RARB: variants seen among roughly 807,000 people sequenced by gnomAD.
RARB encodes retinoic acid receptor beta, also known as HBV-activated protein.
Under a neutral mutation model 51.9 loss-of-function variants are expected in RARB, and 17 were observed. The observed-to-expected ratio is 0.33, with a 90% CI of 0.22 to 0.49. The LOEUF (loss-of-function observed/expected upper bound fraction) is 0.49. Among genes scored for constraint, RARB ranks in the 20% least tolerant of loss-of-function variants. The pLI, the probability that RARB is intolerant of heterozygous loss-of-function variation, is 0.99. For synonymous variants in RARB, 215 were observed against 195.4 expected (o/e 1.10, Z -0.84); for missense variants, 369 against 550.8 (o/e 0.67, Z 3.30).
intron 5 of RARB, among the ~76,000 whole-genome samples, chr3:25,338,959 G>A (rs1197330600): frequency 6.6e-6 from 1 of 152,114 alleles, no homozygotes; most frequent in Non-Finnish European, 1.5e-5. Context: ...TCCATTCTGA[G>A]TAGTAGTGCT....
intron 5 of RARB, among the ~76,000 whole-genome samples, chr3:25,387,904 C>G (rs1007255843): frequency 2.6e-5 from 4 of 151,802 alleles, no homozygotes; most frequent in Non-Finnish European, 5.9e-5. Flanking sequence ...AAATGTTTAA[C>G]CTGGATTGAT....
intron 5 of RARB, among the ~76,000 whole-genome samples, chr3:25,364,033 A>G (rs557057027): frequency 5.3e-5 from 8 of 152,222 alleles, no homozygotes; most frequent in South Asian, 4.1e-4. Context: ...TCAAATTTCA[A>G]TGCCCTCTCC....
At chr3:25,228,036 A>G (rs1450174730) in intron 5 of RARB, among the ~76,000 whole-genome samples, 2 of 151,996 alleles carry the variant, frequency 1.3e-5, no homozygotes, top group African/African-American at 4.8e-5. Flanking sequence ...CTTGCAGGTG[A>G]TTTGACAATT....
chr3:25,493,317 A>G (rs1210340526), intron 2 of RARB, among the ~76,000 whole-genome samples: 2 of 152,282 alleles, frequency 1.3e-5, no homozygotes, highest in East Asian at 3.9e-4. Context: ...GTTGTCACGC[A>G]TAGACTTCCA....
At chr3:25,425,711 T>C (rs1342871052), upstream of RARB, among the ~76,000 whole-genome samples, 3 of 152,196 alleles carry the variant, frequency 2.0e-5, no homozygotes, top group Non-Finnish European at 4.4e-5. Context: ...ATGTTGTTAT[T>C]TTTGTGCAAT....
intron 5 of RARB, among the ~76,000 whole-genome samples, chr3:25,333,454 T>C (rs542767844): frequency 6.6e-6 from 1 of 152,080 alleles, no homozygotes; most frequent in Non-Finnish European, 1.5e-5. Flanking sequence ...TAAATGGTGC[T>C]GGGAAAACTG....
intron 2 of RARB, among the ~76,000 whole-genome samples, chr3:24,912,992 T>TTTTG (rs1190648629): frequency 7.6e-6 from 1 of 131,528 alleles, no homozygotes; most frequent in East Asian, 2.2e-4. Context: ...TTTTTTTTTT[T>TTTTG]TTTTTGGAGA....
At chr3:24,995,133 T>C (rs1451446385) in intron 2 of RARB, among the ~76,000 whole-genome samples, 1 of 152,108 alleles carries the variant, frequency 6.6e-6, no homozygotes, top group Non-Finnish European at 1.5e-5. Flanking sequence ...GTGAGATGTT[T>C]TTCCATTTGT....
chr3:24,998,422 G>C (rs1272954456), intron 2 of RARB, among the ~76,000 whole-genome samples: 2 of 151,844 alleles, frequency 1.3e-5, no homozygotes, highest in African/African-American at 4.8e-5. Context: ...GTGGTGTTTG[G>C]ATTTTTTTGT....
At chr3:25,187,960 T>C (rs1476165979) in intron 5 of RARB, among the ~76,000 whole-genome samples, 2 of 152,068 alleles carry the variant, frequency 1.3e-5, no homozygotes, top group Admixed American at 6.6e-5. Context: ...AAGAGGTGAC[T>C]GATTAGAGAA....
chr3:25,254,442 C>A (rs537541306), intron 5 of RARB, among the ~76,000 whole-genome samples: 23 of 152,254 alleles, frequency 1.5e-4, no homozygotes, highest in African/African-American at 5.5e-4. Context: ...TCTAAATGAA[C>A]TAATAGCATT....
intron 5 of RARB, among the ~76,000 whole-genome samples, chr3:25,332,147 A>G (rs960297526): frequency 6.6e-6 from 1 of 152,182 alleles, no homozygotes. Context: ...TCAATAGAAA[A>G]AGAGGGAATC....
chr3:25,192,122 A>G (rs939934760), intron 5 of RARB, among the ~76,000 whole-genome samples: 4 of 152,130 alleles, frequency 2.6e-5, no homozygotes, highest in Non-Finnish European at 5.9e-5. Flanking sequence ...ACATGAAGGT[A>G]GTGTCTTTGC....
At chr3:25,453,647 C>T (rs1388076351) in intron 1 of RARB, among the ~76,000 whole-genome samples, 7 of 152,128 alleles carry the variant, frequency 4.6e-5, no homozygotes, top group African/African-American at 1.4e-4. Context: ...CAAATTCTTT[C>T]CCCCAGCCCT....
intron 4 of RARB, among the ~76,000 whole-genome samples, chr3:25,172,599 G>A (rs376065245): frequency 1.2e-4 from 18 of 152,132 alleles, no homozygotes; most frequent in South Asian, 8.3e-4. Flanking sequence ...CAGATCCCTC[G>A]TTTTCTTCCT....
chr3:25,029,430 C>A (rs1195257793), intron 2 of RARB, among the ~76,000 whole-genome samples: 2 of 152,230 alleles, frequency 1.3e-5, no homozygotes, highest in Non-Finnish European at 2.9e-5. Flanking sequence ...TTGAACTTGG[C>A]TCTACTCTGC....
At chr3:24,995,041 T>C (rs1313660100) in intron 2 of RARB, among the ~76,000 whole-genome samples, 5 of 152,134 alleles carry the variant, frequency 3.3e-5, no homozygotes, top group East Asian at 1.9e-4. Context: ...CATTGATGTT[T>C]TAAGAGGGGT....
intron 5 of RARB, among the ~76,000 whole-genome samples, chr3:25,311,333 A>G (rs1704282945): frequency 6.6e-6 from 1 of 152,244 alleles, no homozygotes; most frequent in South Asian, 2.1e-4. Context: ...GTGGACAATT[A>G]TTAAAAGAGT....
chr3:25,497,174 C>T (rs572007666), intron 2 of RARB, among the ~76,000 whole-genome samples: 519 of 152,246 alleles, frequency 3.4e-3, no homozygotes, highest in Non-Finnish European at 5.9e-3. Flanking sequence ...GGTGAGCCAC[C>T]GCGCCTGGCC....
Sources: allele counts gnomAD v4.1 joint callset (sites outside exome capture counted in the v4.1 genomes callset), GRCh38; gene constraint gnomAD v4.1.1; transcripts MANE v1.5; gene names NCBI Gene and HGNC (gene_info 2026-07-23, HGNC 2026-07-21).